The following GRK5 variants were observed in gnomAD, a reference collection of about 807,000 sequenced individuals.
GRK5 encodes g protein-coupled receptor kinase GRK5.
GRK5 carries 40 observed loss-of-function variants against 78.4 expected under a neutral mutation model. The observed-to-expected ratio is 0.51, with a 90% confidence interval of 0.40 to 0.66. GRK5 has a LOEUF of 0.66. Among genes scored for constraint, GRK5 ranks in the 30% least tolerant of loss-of-function variants. GRK5 has a pLI of 0.00. For synonymous variants in GRK5, 289 were observed against 296.8 expected (o/e 0.97, Z 0.27); for missense variants, 598 against 759.9 (o/e 0.79, Z 2.50).
intron 1 of GRK5, chr10:119,211,507 A>G (rs927826621): frequency 2.0e-5 from 3 of 152,142 alleles, no homozygotes; most frequent in Non-Finnish European, 4.4e-5. Context: ...CTGAGTGAAC[A>G]GTGGTGAGAA....
intron 4 of GRK5, among the ~76,000 whole-genome samples, chr10:119,410,029 G>A (rs927831719): frequency 6.6e-6 from 1 of 152,252 alleles, no homozygotes; most frequent in Non-Finnish European, 1.5e-5. Context: ...CTGCAGCTGC[G>A]CCGGGTCCCG....
intron 12 of GRK5, among the ~76,000 whole-genome samples, chr10:119,447,566 C>T (rs894677518): frequency 3.9e-5 from 6 of 152,218 alleles, no homozygotes; most frequent in Non-Finnish European, 8.8e-5. Context: ...CTTCCCCGTG[C>T]AGCTCCCTGA....
intron 1 of GRK5, among the ~76,000 whole-genome samples, chr10:119,245,582 A>G (rs1849094256): frequency 6.6e-6 from 1 of 152,204 alleles, no homozygotes; most frequent in Non-Finnish European, 1.5e-5. Flanking sequence ...AGTCAAACTC[A>G]TAAGAGAATG....
At chr10:119,388,483 T>G (rs1281018463) in intron 3 of GRK5, among the ~76,000 whole-genome samples, 3 of 152,158 alleles carry the variant, frequency 2.0e-5, no homozygotes, top group Non-Finnish European at 4.4e-5. Context: ...ATTACAGGTG[T>G]GCGCCACTAT....
intron 3 of GRK5, among the ~76,000 whole-genome samples, chr10:119,383,253 T>C (rs1327806830): frequency 6.6e-6 from 1 of 152,220 alleles, no homozygotes; most frequent in Non-Finnish European, 1.5e-5. Flanking sequence ...CGTTGCTAGT[T>C]GGATCTAGAA....
intron 1 of GRK5, among the ~76,000 whole-genome samples, chr10:119,250,910 C>G (rs2133753076): frequency 6.6e-6 from 1 of 152,276 alleles, no homozygotes; most frequent in South Asian, 2.1e-4. Context: ...GGTGATATGT[C>G]TATTTCTAGG....
At chr10:119,317,074 AC>A (rs1470705223) in intron 1 of GRK5, among the ~76,000 whole-genome samples, 1 of 152,208 alleles carries the variant, frequency 6.6e-6, no homozygotes, top group Non-Finnish European at 1.5e-5. Flanking sequence ...GGAACCAGGG[AC>A]AAAAGCCAGT....
At position 119,452,902 on chromosome 10, in the gene GRK5, G is replaced by T; in HGVS notation, c.1542+94G>T. 1 of 1,409,094 alleles carries T rather than the reference G, an allele frequency of 7.1e-7. No individual in the cohort carries two copies. The highest frequency in any genetic ancestry group is 1.2e-5 in the South Asian group (1 of 80,980). 87.3% of individuals were successfully genotyped at this position (1,409,094 alleles called of 1,614,324 possible). On this transcript the variant is annotated intron_variant, in intron 14 of 15. Coordinates refer to ENST00000392870, the MANE Select transcript of GRK5 (RefSeq NM_005308.3). The surrounding 1 kb of genome is among the most constrained non-coding windows in gnomAD (Gnocchi z 4.4). Reference sequence around the variant, plus strand: ...GGGAATATGAGTTTGGCGGCAGGAGGCTGAGCGCATGGTTTCTGTTTTCTC... The same window carrying T: ...GGGAATATGAGTTTGGCGGCAGGAGTCTGAGCGCATGGTTTCTGTTTTCTC...
At chr10:119,408,295 T>C (rs781034626) in intron 4 of GRK5, among the ~76,000 whole-genome samples, 3 of 133,408 alleles carry the variant, frequency 2.2e-5, no homozygotes, top group Admixed American at 1.9e-4. Flanking sequence ...TGAGCTATGA[T>C]TGCACCACTG....
chr10:119,411,655 GATTCAT>G (rs1171866913), intron 4 of GRK5, among the ~76,000 whole-genome samples: 2 of 152,112 alleles, frequency 1.3e-5, no homozygotes, highest in Non-Finnish European at 2.9e-5. Context: ...AGGGCTTGGA[GATTCAT>G]ATCCTTTTCA....
At chr10:119,251,606 G>A (rs1482218194) in intron 1 of GRK5, among the ~76,000 whole-genome samples, 1 of 152,184 alleles carries the variant, frequency 6.6e-6, no homozygotes, top group African/African-American at 2.4e-5. Context: ...TTTTCTTGCT[G>A]TCTTCTAAAG....
At chr10:119,344,575 G>T (rs2133789439) in intron 2 of GRK5, among the ~76,000 whole-genome samples, 1 of 152,260 alleles carries the variant, frequency 6.6e-6, no homozygotes, top group Middle Eastern at 3.4e-3. Flanking sequence ...CTCTTTTTGG[G>T]GATGGTTTCT....
intron 4 of GRK5, among the ~76,000 whole-genome samples, chr10:119,400,546 A>G (rs1288052220): frequency 1.3e-5 from 2 of 151,590 alleles, no homozygotes; most frequent in East Asian, 3.9e-4. Flanking sequence ...CAAAATGTCA[A>G]TAGGGCTGAG....
intron 1 of GRK5, among the ~76,000 whole-genome samples, chr10:119,320,015 G>A (rs1850556699): frequency 6.6e-6 from 1 of 152,262 alleles, no homozygotes; most frequent in South Asian, 2.1e-4. Flanking sequence ...TGAGCTGGGA[G>A]AGGATGTGAT....
chr10:119,258,742 C>T (rs1230774908), intron 1 of GRK5, among the ~76,000 whole-genome samples: 1 of 152,140 alleles, frequency 6.6e-6, no homozygotes, highest in Non-Finnish European at 1.5e-5. Flanking sequence ...TGCCAGGAAA[C>T]TCCCCCCACC....
In GRK5 at chr10:119,264,997, G is replaced by A. The variant is rs373528643; in HGVS notation, c.52+57028G>A. Reference sequence around the variant, plus strand: ...AGCTTTCATTCTTTTGTGTTACTCCGTGCTGAGCTGGTTGGGGCTCACAGC... The same window carrying A: ...AGCTTTCATTCTTTTGTGTTACTCCATGCTGAGCTGGTTGGGGCTCACAGC... On this transcript the variant is annotated intron_variant, in intron 1 of 15. Coordinates refer to ENST00000392870, the MANE Select transcript of GRK5 (RefSeq NM_005308.3). The surrounding 1 kb of genome is among the most constrained non-coding windows in gnomAD (Gnocchi z 4.1). Among the ~76,000 whole-genome samples the A allele has an allele frequency of 5.3e-4, 80 of 152,308 alleles. No homozygotes were observed. The South Asian group carries it at 9.9e-3, about 19-fold the overall frequency.
chr10:119,455,182 G>A lies in GRK5; in HGVS notation c.*115G>A, dbSNP rs545982882. The A allele has an allele frequency of 1.2e-6, 1 of 847,640 alleles. No individual in the cohort carries two copies. The highest frequency in any genetic ancestry group is 2.0e-6 in the Non-Finnish European group (1 of 502,000). The allele number at this position is 847,640 out of a possible 1,614,324, so 52.5% of individuals were successfully genotyped here. A position where few individuals can be genotyped will look rare whatever the true frequency, so the allele number is the denominator to read the frequency against. ...CTGCCAGGGGAGACCCCGGGAGCCG[G>A]GGAAGGAGGCCGTCCATCCCGTCGA... is the stretch of plus-strand genomic sequence containing the variant. On this transcript the variant is annotated 3_prime_UTR_variant, in exon 16 of 16. Coordinates refer to ENST00000392870, the MANE Select transcript of GRK5 (RefSeq NM_005308.3).
chr10:119,229,543 C>T (rs1432523062), intron 1 of GRK5, among the ~76,000 whole-genome samples: 1 of 152,140 alleles, frequency 6.6e-6, no homozygotes, highest in Non-Finnish European at 1.5e-5. Flanking sequence ...TGACATGATT[C>T]AAGACCTCCT....
chr10:119,306,358 G>A (rs1850271997), intron 1 of GRK5, among the ~76,000 whole-genome samples: 1 of 152,178 alleles, frequency 6.6e-6, no homozygotes, highest in Admixed American at 6.5e-5. Flanking sequence ...TCAGTGCCTG[G>A]ATGAGCAAGC....
Sources: allele counts gnomAD v4.1 joint callset (sites outside exome capture counted in the v4.1 genomes callset), GRCh38; gene constraint gnomAD v4.1.1; non-coding constraint Gnocchi (gnomAD v3.1); transcripts MANE v1.5; gene names NCBI Gene and HGNC (gene_info 2026-07-23, HGNC 2026-07-21).